The following ST7 variants were observed in gnomAD, a reference collection of about 807,000 sequenced individuals.
The protein encoded by ST7 is suppression of tumorigenicity 7, also known as suppressor of tumorigenicity 7 protein.
A neutral mutation model predicts 78.7 loss-of-function variants in ST7; 28 were observed. That is an observed-to-expected ratio of 0.36 (90% CI 0.26 to 0.49). ST7 has a LOEUF of 0.49. Ranked by LOEUF, ST7 falls within the 20% of genes least tolerant of loss-of-function variation. The pLI is 0.99. For synonymous variants in ST7, 247 were observed against 249.6 expected (o/e 0.99, Z 0.10); for missense variants, 418 against 696.0 (o/e 0.60, Z 4.49).
chr7:117,035,119 GTT>G (rs61562340), intron 1 of ST7, among the ~76,000 whole-genome samples: 4,086 of 135,434 alleles, frequency 0.03, 79 homozygotes, highest in African/African-American at 0.055. Context: ...AAGCTGGGCA[GTT>G]TTTTTTTTTT....
chr7:117,060,274 ACAGAATCAGTTG>A (rs940459136), intron 1 of ST7, among the ~76,000 whole-genome samples: 1 of 152,174 alleles, frequency 6.6e-6, no homozygotes. Flanking sequence ...CCTGAGAGCT[ACAGAATCAGTTG>A]CAGAATCAGT....
intron 1 of ST7, among the ~76,000 whole-genome samples, chr7:117,084,846 G>A (rs1800025465): frequency 6.6e-6 from 1 of 152,096 alleles, no homozygotes. Flanking sequence ...GAACCAGGGA[G>A]CATTCTATTT....
intron 1 of ST7, among the ~76,000 whole-genome samples, chr7:116,961,583 TG>T (rs1792829003): frequency 1.3e-5 from 2 of 151,464 alleles, no homozygotes; most frequent in African/African-American, 2.4e-5. Context: ...TGTGTGTGTG[TG>T]TGTGTGTGTG....
chr7:117,221,770 A>G lies in ST7; in HGVS notation c.1499-153A>G, dbSNP rs550078752. ...GATGGGCCTCCAAAGGCTGGGTCAG[A>G]TGTTGGCTATGGTTTGTCAGGTGTG... On this transcript the variant is annotated intron_variant, in intron 14 of 15. Coordinates refer to ENST00000323984, the MANE Select transcript of ST7 (RefSeq NM_001369598.1). Among the ~76,000 whole-genome samples the G allele has an allele frequency of 2.0e-5, 3 of 152,218 alleles. No individual in the cohort carries two copies. In the East Asian group the frequency reaches 5.8e-4, roughly 29 times the overall value.
chr7:117,182,771 G>A (rs1337532425), intron 10 of ST7: 1 of 152,102 alleles, frequency 6.6e-6, no homozygotes, highest in East Asian at 1.9e-4. Context: ...TTAGAGGATT[G>A]TTTTCATTTC....
chr7:117,115,668 T>A (rs1232595009), intron 2 of ST7, among the ~76,000 whole-genome samples: 2 of 152,236 alleles, frequency 1.3e-5, no homozygotes, highest in African/African-American at 4.8e-5. Flanking sequence ...GGTTACTTTT[T>A]AAAGGCAGAA....
chr7:116,966,385 G>A (rs112618364), intron 1 of ST7, among the ~76,000 whole-genome samples: 7,307 of 151,190 alleles, frequency 0.048, 591 homozygotes, highest in African/African-American at 0.17. Context: ...TGAGTAGTTG[G>A]GATTACAGGC....
At chr7:117,172,160 C>G (rs1039322981) in intron 10 of ST7, among the ~76,000 whole-genome samples, 45 of 151,978 alleles carry the variant, frequency 3.0e-4, no homozygotes, top group East Asian at 3.9e-4. Context: ...GTTATGTTAC[C>G]CAGGCTGGTC....
At position 117,218,135 on chromosome 7, in the gene ST7, A is replaced by G. The variant is rs1287519055; in HGVS notation, c.1406-949A>G. On this transcript the variant is annotated intron_variant, in intron 13 of 15. Coordinates refer to ENST00000323984, the MANE Select transcript of ST7 (RefSeq NM_001369598.1). ...TAGCTATGATTCCTTGAAATGTATC[A>G]TTTAAAACTAAAAATATTGCTGCAT... Among the ~76,000 whole-genome samples, 3 of 152,232 alleles carry G rather than the reference A, an allele frequency of 2.0e-5. No homozygotes were observed. In the East Asian group the frequency reaches 5.8e-4, roughly 29 times the overall value.
At chr7:117,195,436 A>G (rs1810216182) in intron 12 of ST7, among the ~76,000 whole-genome samples, 1 of 152,202 alleles carries the variant, frequency 6.6e-6, no homozygotes, top group African/African-American at 2.4e-5. Flanking sequence ...GGTGTACAGT[A>G]CAATCTTGTT....
chr7:117,216,915 T>C (rs1792733215), intron 13 of ST7, among the ~76,000 whole-genome samples: 1 of 152,116 alleles, frequency 6.6e-6, no homozygotes, highest in African/African-American at 2.4e-5. Context: ...TGCACTCTTT[T>C]TAAAGTTGTA....
In ST7 at chr7:117,022,835, A is replaced by G. The variant is rs1584469097; in HGVS notation, c.151+69144A>G. ...TACTTTTTAAATTGAGGTATGATTT[A>G]CATGCAGTAAAATGCTTAAGTCTAG... On this transcript the variant is annotated intron_variant, in intron 1 of 15. Transcript: ENST00000323984. The G allele has an allele frequency of 2.0e-5, 3 of 152,198 alleles. No homozygotes were observed. The East Asian group carries it at 5.8e-4, about 29-fold the overall frequency. 9.4% of individuals were successfully genotyped at this position (152,198 alleles called of 1,614,324 possible). A position where few individuals can be genotyped will look rare whatever the true frequency, so the allele number is the denominator to read the frequency against.
At chr7:117,106,060 G>A (rs565897261) in intron 2 of ST7, among the ~76,000 whole-genome samples, 1 of 152,088 alleles carries the variant, frequency 6.6e-6, no homozygotes, top group East Asian at 1.9e-4. Flanking sequence ...CTGCAGTGGC[G>A]CAATCTCGGC....
At chr7:117,049,127 G>A (rs946870659) in intron 1 of ST7, among the ~76,000 whole-genome samples, 1 of 152,158 alleles carries the variant, frequency 6.6e-6, no homozygotes, top group Non-Finnish European at 1.5e-5. Context: ...CAGGGCTTGG[G>A]CATCAGCAGC....
intron 1 of ST7, among the ~76,000 whole-genome samples, chr7:117,055,533 C>T (rs1277452987): frequency 1.3e-5 from 2 of 152,126 alleles, no homozygotes; most frequent in Non-Finnish European, 2.9e-5. Context: ...GTGAATAATC[C>T]TAGATTGTAC....
chr7:117,149,504 G>T (rs1156288031), intron 9 of ST7, among the ~76,000 whole-genome samples: 1 of 151,628 alleles, frequency 6.6e-6, no homozygotes, highest in Non-Finnish European at 1.5e-5. Context: ...GGCTCCTCTG[G>T]CATTTAGGTG....
intron 1 of ST7, among the ~76,000 whole-genome samples, chr7:117,074,265 C>A (rs1321250847): frequency 2.0e-5 from 3 of 152,118 alleles, no homozygotes; most frequent in Non-Finnish European, 1.5e-5. Flanking sequence ...GTGGCGCACA[C>A]CTGTACTCCC....
chr7:116,978,597 A>G (rs752797326), intron 1 of ST7, among the ~76,000 whole-genome samples: 3 of 150,606 alleles, frequency 2.0e-5, no homozygotes, highest in Admixed American at 6.6e-5. Flanking sequence ...TATCTAATCT[A>G]TCTATCTAGA....
intron 1 of ST7, among the ~76,000 whole-genome samples, chr7:117,056,785 A>G (rs1177667365): frequency 1.3e-5 from 2 of 152,238 alleles, no homozygotes; most frequent in South Asian, 2.1e-4. Context: ...AAATTTTACT[A>G]CATTGTAATT....
Sources: allele counts gnomAD v4.1 joint callset (sites outside exome capture counted in the v4.1 genomes callset), GRCh38; gene constraint gnomAD v4.1.1; transcripts MANE v1.5; gene names NCBI Gene and HGNC (gene_info 2026-07-23, HGNC 2026-07-21).